ZMYM2: variants seen among roughly 807,000 people sequenced by gnomAD.
ZMYM2 encodes the protein zinc finger MYM-type protein 2.
ZMYM2 carries 56 observed loss-of-function variants against 162.8 expected under a neutral mutation model. The observed-to-expected ratio is 0.34, with a 90% CI of 0.28 to 0.43. ZMYM2 has a LOEUF of 0.43. ZMYM2 is among the 20% of genes least tolerant of loss of function. The probability of loss-of-function intolerance (pLI) is 1.00; values close to 1 mark genes in which losing one functional copy is unlikely to be tolerated. For synonymous variants in ZMYM2, 510 were observed against 541.6 expected (o/e 0.94, Z 0.81); for missense variants, 1,275 against 1,621.8 (o/e 0.79, Z 3.67).
At chr13:19,904,566 A>AT in the ZMYM2 span, among the ~76,000 whole-genome samples, 2 of 152,040 alleles carry the variant, frequency 1.3e-5, no homozygotes, top group African/African-American at 4.8e-5. Context: ...CTCAAAAAAA[A>AT]TTTTTTTTAA....
At chr13:19,875,560 G>A in the ZMYM2 span, among the ~76,000 whole-genome samples, 105 of 149,142 alleles carry the variant, frequency 7.0e-4, no homozygotes, top group South Asian at 0.018. Context: ...CCCGGGAGGC[G>A]GAGCTTGCAG....
At chr13:19,906,434 G>A in the ZMYM2 span, among the ~76,000 whole-genome samples, 1 of 146,002 alleles carries the variant, frequency 6.8e-6, no homozygotes, top group African/African-American at 2.5e-5. Context: ...TCTTTTAATT[G>A]GAGAATTTAA....
rs751813162 is a variant in ZMYM2 at position 20,006,424 on chromosome 13, C to T, written c.1350C>T (p.Asp450=). ...FKNMTHKLCS[D]HCFNRYRMAN... ...ATATGACTCATAAGCTGTGCAGTGACCACTGCTTTAATAGATATAGAATGG... is the reference window on the plus strand; with the variant it reads ...ATATGACTCATAAGCTGTGCAGTGATCACTGCTTTAATAGATATAGAATGG... The change falls in exon 6 of 25, where the codon GAC becomes GAT. Residue 450 remains aspartate (D), a synonymous_variant. Coordinates refer to ENST00000610343, the MANE Select transcript of ZMYM2 (RefSeq NM_197968.4). The T allele has an allele frequency of 1.2e-6, 2 of 1,607,162 alleles. No individual in the cohort carries two copies. Among genetic ancestry groups the T allele is most frequent in the South Asian group, 2.2e-5 (2 of 90,162 alleles).
intron 2 of ZMYM2, among the ~76,000 whole-genome samples, chr13:19,963,310 A>G (rs181930467): frequency 2.6e-5 from 4 of 152,304 alleles, no homozygotes; most frequent in African/African-American, 7.2e-5. Context: ...ATTTTCTTAT[A>G]TTCCTGTCAA....
chr13:19,931,042 G>A, the ZMYM2 span, among the ~76,000 whole-genome samples: 183 of 151,312 alleles, frequency 1.2e-3, no homozygotes, highest in Admixed American at 2.2e-3. Context: ...GGGGGGCTGA[G>A]GCAGGAGAAT....
the ZMYM2 span, among the ~76,000 whole-genome samples, chr13:19,867,095 G>A: frequency 5.3e-5 from 8 of 152,206 alleles, no homozygotes; most frequent in Non-Finnish European, 8.8e-5. Flanking sequence ...GCTCACGCCT[G>A]TAATCCCAGC....
At chr13:19,876,428 T>C in the ZMYM2 span, among the ~76,000 whole-genome samples, 1 of 152,062 alleles carries the variant, frequency 6.6e-6, no homozygotes, top group African/African-American at 2.4e-5. Flanking sequence ...GTTCAAGTGA[T>C]TCTCCTGCCT....
chr13:19,884,837 G>T, the ZMYM2 span, among the ~76,000 whole-genome samples: 2 of 151,980 alleles, frequency 1.3e-5, no homozygotes, highest in Non-Finnish European at 2.9e-5. Flanking sequence ...AGCAGTAAAA[G>T]AAAACCTGAG....
intron 21 of ZMYM2, among the ~76,000 whole-genome samples, chr13:20,074,684 G>A (rs372790024): frequency 8.6e-5 from 13 of 152,020 alleles, no homozygotes; most frequent in Non-Finnish European, 1.3e-4. Context: ...CACTACAGGC[G>A]CCTGCAACCA....
At chr13:19,898,392 C>T in the ZMYM2 span, among the ~76,000 whole-genome samples, 10 of 151,898 alleles carry the variant, frequency 6.6e-5, no homozygotes, top group African/African-American at 2.2e-4. Flanking sequence ...GCCACCATGC[C>T]CAGCTAATTT....
intron 2 of ZMYM2, among the ~76,000 whole-genome samples, chr13:19,977,738 C>T (rs1956917966): frequency 6.6e-6 from 1 of 151,872 alleles, no homozygotes; most frequent in Admixed American, 6.6e-5. Flanking sequence ...GGTCCACCCA[C>T]CTCAGCCTCC....
chr13:20,007,297 G>A (rs147283601), intron 6 of ZMYM2, among the ~76,000 whole-genome samples: 1,988 of 151,720 alleles, frequency 0.013, 17 homozygotes, highest in Non-Finnish European at 0.019. Flanking sequence ...CACCACACCC[G>A]GCTAATTTTT....
At chr13:19,980,468 T>A (rs1957218555) in intron 2 of ZMYM2, among the ~76,000 whole-genome samples, 1 of 152,202 alleles carries the variant, frequency 6.6e-6, no homozygotes, top group South Asian at 2.1e-4. Flanking sequence ...TTTCCTGTTC[T>A]TGGCTGGGCG....
chr13:20,058,925 T>C (rs772062342), intron 15 of ZMYM2: 1 of 676,914 alleles, frequency 1.5e-6, no homozygotes, highest in Non-Finnish European at 2.6e-6. Context: ...ATACAAATTA[T>C]GTCAAAAGTG....
chr13:19,966,451 A>G (rs561586548), intron 2 of ZMYM2, among the ~76,000 whole-genome samples: 1 of 140,460 alleles, frequency 7.1e-6, no homozygotes, highest in Non-Finnish European at 1.6e-5. Flanking sequence ...TTATATGTCT[A>G]TAATTCTTTT....
chr13:20,008,720 G>C (rs1400164654), intron 6 of ZMYM2, among the ~76,000 whole-genome samples: 1 of 152,174 alleles, frequency 6.6e-6, no homozygotes, highest in Non-Finnish European at 1.5e-5. Flanking sequence ...TTATAAGTAA[G>C]ATTGGTCTGT....
intron 1 of ZMYM2, among the ~76,000 whole-genome samples, chr13:19,959,689 C>T (rs1420733190): frequency 6.6e-6 from 1 of 152,154 alleles, no homozygotes; most frequent in Non-Finnish European, 1.5e-5. Flanking sequence ...TTCCCCCCTC[C>T]CTTCCCGGGA....
chr13:19,890,818 G>A, the ZMYM2 span, among the ~76,000 whole-genome samples: 1 of 151,416 alleles, frequency 6.6e-6, no homozygotes, highest in South Asian at 2.1e-4. Flanking sequence ...CTTGCGGTGA[G>A]CCGAGATTGT....
intron 2 of ZMYM2, among the ~76,000 whole-genome samples, chr13:19,990,392 A>G (rs1414131531): frequency 6.6e-6 from 1 of 152,082 alleles, no homozygotes; most frequent in East Asian, 1.9e-4. Flanking sequence ...TGGATTGGCC[A>G]ACTTCATTCC....
Sources: allele counts gnomAD v4.1 joint callset (sites outside exome capture counted in the v4.1 genomes callset), GRCh38; gene constraint gnomAD v4.1.1; transcripts MANE v1.5; gene names NCBI Gene and HGNC (gene_info 2026-07-23, HGNC 2026-07-21).